The following FAAH2 variants were observed in gnomAD, a reference collection of about 807,000 sequenced individuals.
The protein encoded by FAAH2 is fatty-acid amide hydrolase 2.
FAAH2 carries 60 observed loss-of-function variants against 36.9 expected under a neutral mutation model. That is an observed-to-expected ratio of 1.63 (90% CI 1.32 to 2.02). The LOEUF (loss-of-function observed/expected upper bound fraction) is 2.02, where lower values mean the gene tolerates loss of function less well. Among genes scored for constraint, FAAH2 ranks in the 30% most tolerant of loss-of-function variants. The pLI is 0.00. For missense variants in FAAH2, 689 were observed against 397.5 expected (o/e 1.73, Z -6.23); for synonymous variants, 214 against 143.8 (o/e 1.49, Z -3.49).
At chrX:57,251,610 C>A in the FAAH2 span, among the ~76,000 whole-genome samples, 1 of 111,892 alleles carries the variant, frequency 8.9e-6, no homozygotes, top group Non-Finnish European at 1.9e-5. Context: ...AAAGACCCCA[C>A]CAAAAACTGT....
the FAAH2 span, among the ~76,000 whole-genome samples, chrX:57,152,209 G>A: frequency 1.8e-5 from 2 of 112,315 alleles, no homozygotes; most frequent in Admixed American, 9.4e-5. Flanking sequence ...TAGGCTGCTC[G>A]GGGGTTAGGG....
the FAAH2 span, among the ~76,000 whole-genome samples, chrX:57,233,211 G>T: frequency 9.0e-6 from 1 of 111,353 alleles, no homozygotes. Flanking sequence ...GTTCCCTGGT[G>T]GTCACGTGAT....
the FAAH2 span, among the ~76,000 whole-genome samples, chrX:57,264,176 G>A: frequency 9.0e-6 from 1 of 111,663 alleles, no homozygotes; most frequent in African/African-American, 3.2e-5. Flanking sequence ...CTTAGAATTG[G>A]CATTGAAAAC....
the FAAH2 span, among the ~76,000 whole-genome samples, chrX:57,170,434 T>G: frequency 9.0e-6 from 1 of 111,612 alleles, no homozygotes; most frequent in African/African-American, 3.3e-5. Context: ...GCTATGACTA[T>G]TTTAATTTTT....
intron 7 of FAAH2, among the ~76,000 whole-genome samples, chrX:57,388,281 A>G (rs1022148974): frequency 1.1e-4 from 12 of 111,654 alleles, no homozygotes; most frequent in Non-Finnish European, 1.9e-4. Flanking sequence ...CAGAAACTCA[A>G]TAGTTGCTAA....
At chrX:57,262,523 A>T in the FAAH2 span, among the ~76,000 whole-genome samples, 49 of 111,656 alleles carry the variant, frequency 4.4e-4, no homozygotes, top group African/African-American at 1.5e-3. Flanking sequence ...GATAGTGTCA[A>T]TGGAGAATTA....
At chrX:57,362,514 C>T (rs143402255) in intron 5 of FAAH2, among the ~76,000 whole-genome samples, 81 of 111,780 alleles carry the variant, frequency 7.2e-4, no homozygotes, top group Middle Eastern at 9.2e-3. Flanking sequence ...TTGTCAGATA[C>T]ATAGTTTGCA....
At chrX:57,378,523 A>G in intron 5 of FAAH2, 128 bp from the exon 6 acceptor site, 1 of 835,000 alleles carries the variant, frequency 1.2e-6, no homozygotes, top group Non-Finnish European at 1.7e-6. Flanking sequence ...GCAATGAGAT[A>G]TAAGAAGACC....
intron 5 of FAAH2, among the ~76,000 whole-genome samples, chrX:57,369,754 T>C (rs1387823026): frequency 8.9e-6 from 1 of 111,807 alleles, no homozygotes; most frequent in East Asian, 2.8e-4. Context: ...TAAGAGGAAA[T>C]CATATGAAAC....
At chrX:57,314,089 C>A (rs964443723) in intron 3 of FAAH2, among the ~76,000 whole-genome samples, 2 of 111,505 alleles carry the variant, frequency 1.8e-5, no homozygotes, top group Non-Finnish European at 3.8e-5. Flanking sequence ...AGTTGCTATT[C>A]TTTTTATCAG....
chrX:57,324,089 A>C (rs372708072), intron 3 of FAAH2, among the ~76,000 whole-genome samples: 1 of 111,895 alleles, frequency 8.9e-6, no homozygotes, highest in Non-Finnish European at 1.9e-5. Context: ...ACCATTTATT[A>C]AATAGGGAAT....
intron 8 of FAAH2, among the ~76,000 whole-genome samples, chrX:57,442,711 T>C (rs1173081744): frequency 8.9e-6 from 1 of 112,115 alleles, no homozygotes; most frequent in Non-Finnish European, 1.9e-5. Flanking sequence ...GCATTGACAG[T>C]TTTTACAATT....
chrX:57,124,047 C>T, the FAAH2 span, among the ~76,000 whole-genome samples: 10 of 111,609 alleles, frequency 9.0e-5, no homozygotes, highest in African/African-American at 2.6e-4. Context: ...GTTGCCATTG[C>T]TTTTGGTGTT....
the FAAH2 span, among the ~76,000 whole-genome samples, chrX:57,253,082 G>T: frequency 8.9e-6 from 1 of 111,830 alleles, no homozygotes; most frequent in East Asian, 2.8e-4. Context: ...ATTACCTGAT[G>T]GAGCGGAAAA....
chrX:57,125,632 C>T, the FAAH2 span, among the ~76,000 whole-genome samples: 11 of 111,856 alleles, frequency 9.8e-5, no homozygotes, highest in Non-Finnish European at 1.9e-4. Context: ...GTAATTATTT[C>T]GTATTTCTCA....
intron 5 of FAAH2, among the ~76,000 whole-genome samples, chrX:57,359,285 G>GT (rs903192983): frequency 9.0e-6 from 1 of 111,085 alleles, no homozygotes; most frequent in African/African-American, 3.3e-5. Context: ...ATACCAACCT[G>GT]TTTATATAGC....
intron 8 of FAAH2, among the ~76,000 whole-genome samples, chrX:57,438,331 A>C (rs1021498329): frequency 3.7e-5 from 4 of 107,448 alleles, no homozygotes; most frequent in Admixed American, 1.0e-4. Flanking sequence ...TGACACAAAT[A>C]AATGGAGAAA....
chrX:57,324,386 G>T (rs1356497505), intron 3 of FAAH2, among the ~76,000 whole-genome samples: 2 of 111,786 alleles, frequency 1.8e-5, no homozygotes, highest in African/African-American at 3.3e-5. Context: ...GAAAGTCTTT[G>T]GTAGCTTGAT....
chrX:57,464,666 A>G (rs1377193224), intron 10 of FAAH2, among the ~76,000 whole-genome samples: 4 of 110,638 alleles, frequency 3.6e-5, no homozygotes, highest in African/African-American at 1.3e-4. Context: ...AAGGCCTACT[A>G]TCCAGAACCT....
Sources: allele counts gnomAD v4.1 joint callset (sites outside exome capture counted in the v4.1 genomes callset), GRCh38; gene constraint gnomAD v4.1.1; transcripts MANE v1.5; gene names NCBI Gene and HGNC (gene_info 2026-07-23, HGNC 2026-07-21).